CCDC141: variants seen among roughly 807,000 people sequenced by gnomAD.
CCDC141 encodes the protein coiled-coil domain-containing protein 141.
CCDC141 carries 168 observed loss-of-function variants against 181.0 expected under a neutral mutation model. The observed-to-expected ratio is 0.93, with a 90% CI of 0.82 to 1.05. CCDC141 has a LOEUF of 1.05. Among genes scored for constraint, CCDC141 ranks in the 50% least tolerant of loss-of-function variants. CCDC141 has a pLI of 0.00. For missense variants in CCDC141, 1,902 were observed against 1,788.5 expected (o/e 1.06, Z -1.14); for synonymous variants, 666 against 642.3 (o/e 1.04, Z -0.56).
chr2:178,888,722 A>G, intron 8 of CCDC141, 54 bp from the exon 9 acceptor site: 1 of 1,539,074 alleles, frequency 6.5e-7, no homozygotes, highest in Non-Finnish European at 8.8e-7. Flanking sequence ...AGAACACAGA[A>G]TATTTGAAAA....
chr2:178,934,619 A>G (rs1401372796), intron 6 of CCDC141, among the ~76,000 whole-genome samples: 1 of 152,230 alleles, frequency 6.6e-6, no homozygotes, highest in Non-Finnish European at 1.5e-5. Flanking sequence ...TGAATAAAGT[A>G]TCACATTTAT....
At chr2:178,954,119 G>A (rs1247827923) in intron 5 of CCDC141, among the ~76,000 whole-genome samples, 3 of 152,278 alleles carry the variant, frequency 2.0e-5, no homozygotes, top group East Asian at 3.9e-4. Context: ...TCTCCTAGAC[G>A]TCCTTGACAC....
chr2:179,043,468 C>G (rs573376328), intron 2 of CCDC141, among the ~76,000 whole-genome samples: 11 of 152,284 alleles, frequency 7.2e-5, no homozygotes, highest in African/African-American at 2.6e-4. Context: ...TAAACCAAAT[C>G]CAGCAGCACA....
chr2:178,977,037 T>A (rs766975579), intron 3 of CCDC141, among the ~76,000 whole-genome samples: 6 of 152,186 alleles, frequency 3.9e-5, no homozygotes, highest in Non-Finnish European at 8.8e-5. Context: ...GGCTTTGGCA[T>A]ACAAAGGGGA....
chr2:178,869,405 T>G, intron 14 of CCDC141, 100 bp from the exon 15 acceptor site: 1 of 814,826 alleles, frequency 1.2e-6, no homozygotes, highest in Non-Finnish European at 1.8e-6. Context: ...CTCTTTCATT[T>G]GTTAACAAAT....
intron 4 of CCDC141, among the ~76,000 whole-genome samples, chr2:178,964,934 AATCT>A (rs1297382978): frequency 2.6e-5 from 4 of 152,218 alleles, no homozygotes; most frequent in Non-Finnish European, 5.9e-5. Context: ...ATTAATTTTC[AATCT>A]ATCTAAAAAA....
At chr2:178,818,762 A>G in the CCDC141 span, among the ~76,000 whole-genome samples, 1 of 152,226 alleles carries the variant, frequency 6.6e-6, no homozygotes, top group East Asian at 1.9e-4. Flanking sequence ...TCTTTATAAC[A>G]GAATGATTTA....
intron 2 of CCDC141, among the ~76,000 whole-genome samples, chr2:178,986,147 G>C (rs372898318): frequency 7.9e-5 from 12 of 152,250 alleles, no homozygotes; most frequent in East Asian, 1.9e-4. Flanking sequence ...CCCTGGGATG[G>C]AAGGCTGGTT....
intron 2 of CCDC141, among the ~76,000 whole-genome samples, chr2:179,044,450 A>G (rs1216446563): frequency 6.6e-5 from 10 of 152,242 alleles, no homozygotes. Context: ...GGATGGATTT[A>G]GGTATGCAAA....
At chr2:178,852,450 C>CA (rs1685203961) in intron 20 of CCDC141, among the ~76,000 whole-genome samples, 1 of 152,196 alleles carries the variant, frequency 6.6e-6, no homozygotes, top group Non-Finnish European at 1.5e-5. Context: ...TTAGTGCACT[C>CA]ACACGGTAAC....
chr2:178,989,091 G>A (rs993998771), intron 2 of CCDC141, among the ~76,000 whole-genome samples: 1 of 152,006 alleles, frequency 6.6e-6, no homozygotes, highest in South Asian at 2.1e-4. Context: ...CTTGAATTTG[G>A]CAATAGTTTT....
downstream of CCDC141, among the ~76,000 whole-genome samples, chr2:178,827,148 T>C (rs2154364888): frequency 6.6e-6 from 1 of 152,270 alleles, no homozygotes; most frequent in East Asian, 1.9e-4. Flanking sequence ...AATCTACAGG[T>C]ATTTCTGGAT....
At chr2:178,949,678 T>G (rs938817613) in intron 5 of CCDC141, among the ~76,000 whole-genome samples, 2 of 152,106 alleles carry the variant, frequency 1.3e-5, no homozygotes, top group African/African-American at 4.8e-5. Flanking sequence ...AATAGTTCAT[T>G]AGAGAGGAGA....
intron 8 of CCDC141, among the ~76,000 whole-genome samples, chr2:178,902,282 G>A (rs572068117): frequency 1.2e-4 from 19 of 152,222 alleles, no homozygotes; most frequent in Admixed American, 2.0e-4. Context: ...CAACAAAAAA[G>A]AGCCTGCATC....
chr2:179,020,982 G>A (rs773979150), intron 2 of CCDC141, among the ~76,000 whole-genome samples: 4 of 152,074 alleles, frequency 2.6e-5, no homozygotes, highest in Non-Finnish European at 4.4e-5. Flanking sequence ...TCTCACATGC[G>A]GGCTGATTAG....
chr2:178,818,190 T>A, the CCDC141 span, among the ~76,000 whole-genome samples: 1 of 152,122 alleles, frequency 6.6e-6, no homozygotes, highest in Admixed American at 6.6e-5. Context: ...TACCACCTCC[T>A]AATGTCTAGC....
chr2:178,920,722 A>ACT (rs1688652193), intron 6 of CCDC141, among the ~76,000 whole-genome samples: 1 of 151,232 alleles, frequency 6.6e-6, no homozygotes, highest in Admixed American at 6.6e-5. Context: ...ACACACACAC[A>ACT]CACACACTCA....
At chr2:179,044,905 G>A (rs1044539068) in intron 2 of CCDC141, among the ~76,000 whole-genome samples, 8 of 152,224 alleles carry the variant, frequency 5.3e-5, no homozygotes, top group African/African-American at 1.4e-4. Flanking sequence ...TGTGACATAA[G>A]TAGAGCTAAA....
chr2:178,967,613 C>T (rs1690698392), intron 4 of CCDC141, among the ~76,000 whole-genome samples: 1 of 152,162 alleles, frequency 6.6e-6, no homozygotes, highest in Non-Finnish European at 1.5e-5. Flanking sequence ...AAAGGAACAA[C>T]TTGTACCAGC....
Sources: allele counts gnomAD v4.1 joint callset (sites outside exome capture counted in the v4.1 genomes callset), GRCh38; gene constraint gnomAD v4.1.1; transcripts MANE v1.5; gene names NCBI Gene and HGNC (gene_info 2026-07-23, HGNC 2026-07-21).